Variants in UNC79 observed in about 807,000 individuals in gnomAD.
The protein encoded by UNC79 is unc-79 subunit of NALCN channel complex, also known as protein unc-79 homolog.
In UNC79, 37 loss-of-function variants were observed where a neutral mutation model predicts 283.1. That is an observed-to-expected ratio of 0.13 (90% CI 0.10 to 0.17). The LOEUF (loss-of-function observed/expected upper bound fraction) is 0.17. UNC79 is among the 10% of genes least tolerant of loss of function. The pLI, the probability that UNC79 is intolerant of heterozygous loss-of-function variation, is 1.00. For synonymous variants in UNC79, 1,107 were observed against 1,200.2 expected (o/e 0.92, Z 1.61); for missense variants, 2,272 against 3,211.1 (o/e 0.71, Z 7.07).
At chr14:93,466,912 G>A (rs2057209686) in intron 1 of UNC79, 1 of 985,368 alleles carries the variant, frequency 1.0e-6, no homozygotes, top group Non-Finnish European at 1.2e-6. Flanking sequence ...AGGTCTAGGA[G>A]GGTAAATAAA....
intron 18 of UNC79, 103 bp downstream of exon 18, chr14:93,578,166 T>C (rs1400085596): frequency 8.9e-7 from 1 of 1,125,136 alleles, no homozygotes; most frequent in East Asian, 2.6e-5. Flanking sequence ...CTTATCAAAA[T>C]GATTCAGCAT....
rs77923589 is a variant in UNC79 at position 93,380,023 on chromosome 14, A to G, written c.-351+46500A>G. 3.1e-3 allele frequency among the ~76,000 whole-genome samples: 472 copies of G among 152,248 alleles called. 13 individuals carry two copies. In the East Asian group the frequency reaches 0.074, roughly 24 times the overall value. On this transcript the variant is annotated intron_variant, in intron 1 of 49. Transcript: ENST00000256339. ...CACCTCATAGTATTGTGAGTCTGGG[A>G]AAATTACTTCACTTCTCTCTTCCTC...
intron 31 of UNC79, among the ~76,000 whole-genome samples, chr14:93,636,925 T>A (rs1228354283): frequency 6.6e-6 from 1 of 152,198 alleles, no homozygotes. Context: ...TCTGGAGATA[T>A]GAGATTTGAA....
At chr14:93,559,153 G>C (rs899063837) in intron 14 of UNC79, among the ~76,000 whole-genome samples, 1 of 152,202 alleles carries the variant, frequency 6.6e-6, no homozygotes, top group Non-Finnish European at 1.5e-5. Flanking sequence ...CTGTGCTGGA[G>C]TATAAAGATT....
intron 1 of UNC79, among the ~76,000 whole-genome samples, chr14:93,433,478 C>A (rs1007129437): frequency 6.6e-6 from 1 of 152,094 alleles, no homozygotes; most frequent in Admixed American, 6.5e-5. Flanking sequence ...CGCAGATTGG[C>A]AGCATTTTAT....
chr14:93,526,813 A>G (rs1280487624), intron 8 of UNC79, among the ~76,000 whole-genome samples: 1 of 152,226 alleles, frequency 6.6e-6, no homozygotes, highest in African/African-American at 2.4e-5. Flanking sequence ...GAGTAGTGTG[A>G]AAAAGTATCT....
intron 1 of UNC79, among the ~76,000 whole-genome samples, chr14:93,443,223 CTAAATAAA>C (rs58351659): frequency 0.09 from 13,014 of 144,652 alleles, 641 homozygotes; most frequent in Middle Eastern, 0.17. Flanking sequence ...GAGTCAGTCT[CTAAATAAA>C]TAAATAAATA....
At chr14:93,660,563 A>ATATATATATATATATGTGTGTG (rs1203621990) in intron 39 of UNC79, among the ~76,000 whole-genome samples, 6 of 64,788 alleles carry the variant, frequency 9.3e-5, no homozygotes, top group Non-Finnish European at 1.7e-4. Context: ...ATATATATAT[A>ATATATATATATATATGTGTGTG]TGTGTGTGTG....
chr14:93,472,745 G>A (rs2057585056), intron 2 of UNC79, among the ~76,000 whole-genome samples: 1 of 152,058 alleles, frequency 6.6e-6, no homozygotes, highest in Non-Finnish European at 1.5e-5. Context: ...CTGTAAAATT[G>A]TAAATGTAAT....
intron 1 of UNC79, chr14:93,347,191 A>G: frequency 3.4e-6 from 5 of 1,481,138 alleles, no homozygotes; most frequent in Non-Finnish European, 4.5e-6. Flanking sequence ...CAGCTGCCTC[A>G]CGAGCACTGG....
In UNC79 at chr14:93,439,876, G is replaced by A. The variant is rs142417789; in HGVS notation, c.22+8825G>A. ...GCATTTCATCTAAGTTTTCAAATTT[G>A]TTTGCATAGAATTATGCAAATGACT... On this transcript the variant is annotated intron_variant, in intron 1 of 48. Coordinates refer to ENST00000555664, the Ensembl canonical transcript of UNC79. Among the ~76,000 whole-genome samples, 408 of 152,036 alleles carry A rather than the reference G, an allele frequency of 2.7e-3. 1 individual carries two copies. The highest frequency in any genetic ancestry group is 4.9e-3 in the Non-Finnish European group (333 of 67,954).
intron 1 of UNC79, chr14:93,347,138 C>T (rs2053857762): frequency 9.3e-6 from 10 of 1,074,538 alleles, no homozygotes; most frequent in Admixed American, 7.7e-5. Flanking sequence ...GGGTAGGGGG[C>T]GAGGGCAGAG....
chr14:93,348,913 T>C (rs543779968), intron 1 of UNC79, among the ~76,000 whole-genome samples: 2 of 152,338 alleles, frequency 1.3e-5, no homozygotes, highest in South Asian at 2.1e-4. Flanking sequence ...AGTCAATAAA[T>C]AGAAGTTGGG....
At chr14:93,347,360 C>CG in intron 1 of UNC79, 1 of 1,581,954 alleles carries the variant, frequency 6.3e-7, no homozygotes, top group Non-Finnish European at 8.5e-7. Context: ...TTCGCCCACT[C>CG]GGGGCCCCCG....
At chr14:93,597,537 G>A (rs1318002056) in exon 24 of UNC79, 6 of 1,611,028 alleles carry the variant, frequency 3.7e-6, no homozygotes, top group East Asian at 4.5e-5. Flanking sequence ...GGCCAGCATT[G>A]CAGGTGACAT....
chr14:93,603,121 A>G, intron 25 of UNC79, 118 bp from the exon 26 acceptor site: 1 of 1,198,388 alleles, frequency 8.3e-7, no homozygotes, highest in Non-Finnish European at 1.2e-6. Flanking sequence ...GGAGATGTAT[A>G]TCCATGAAAA....
chr14:93,707,158 A>C (rs1191731891), downstream of UNC79: 3 of 396,644 alleles, frequency 7.6e-6, no homozygotes, highest in Non-Finnish European at 1.3e-5. Context: ...TTTTTCTTTA[A>C]CTAACTTCTA....
Position 93,496,395 on chromosome 14 carries a change from A to T in UNC79, c.713-16A>T, listed in dbSNP as rs757055675. On this transcript the variant is annotated splice_polypyrimidine_tract_variant and intron_variant, in intron 5 of 48. Coordinates refer to ENST00000555664, the Ensembl canonical transcript of UNC79. Reference sequence around the variant, plus strand: ...TATTTACATTTCATGTATGAATTACATTTTCTACATTACAGTGTATCATTG... The same window carrying T: ...TATTTACATTTCATGTATGAATTACTTTTTCTACATTACAGTGTATCATTG... The T allele has an allele frequency of 6.6e-7, 1 of 1,505,516 alleles. No homozygotes were observed. 93.3% of individuals were successfully genotyped at this position (1,505,516 alleles called of 1,614,324 possible). A position where few individuals can be genotyped will look rare whatever the true frequency, so the allele number is the denominator to read the frequency against.
intron 5 of UNC79, among the ~76,000 whole-genome samples, chr14:93,495,074 T>TA (rs1175197263): frequency 8.5e-5 from 13 of 152,182 alleles, no homozygotes; most frequent in Non-Finnish European, 1.6e-4. Flanking sequence ...TCTTCATTCT[T>TA]ACTGTCCAGA....
Sources: gnomAD v4.1 joint callset for allele counts (sites outside exome capture counted in the v4.1 genomes callset) on GRCh38, gnomAD v4.1.1 for gene constraint, MANE v1.5 for transcripts, NCBI Gene and HGNC (gene_info 2026-07-23, HGNC 2026-07-21) for gene names.